Variants in CAMK2B observed in about 807,000 individuals in gnomAD.
The protein encoded by CAMK2B is calcium/calmodulin-dependent protein kinase type II subunit beta.
Under a neutral mutation model 93.7 loss-of-function variants are expected in CAMK2B, and 27 were observed. That is an observed-to-expected ratio of 0.29 (90% CI 0.21 to 0.40). CAMK2B has a LOEUF of 0.40. Among genes scored for constraint, CAMK2B ranks in the 10% least tolerant of loss-of-function variants. The pLI is 1.00. For missense variants in CAMK2B, 568 were observed against 895.8 expected, an observed-to-expected ratio of 0.63 and a Z score of 4.67; for synonymous variants, 374 against 358.8, an observed-to-expected ratio of 1.04 and a Z score of -0.48.
At chr7:44,228,109 G>A (rs1026088991) in intron 19 of CAMK2B, among the ~76,000 whole-genome samples, 1 of 151,902 alleles carries the variant, frequency 6.6e-6, no homozygotes, top group Non-Finnish European at 1.5e-5. Context: ...GAGGCTGCTG[G>A]CCAGCAAGAA....
At chr7:44,238,731 A>G (rs1341446274) in intron 13 of CAMK2B, among the ~76,000 whole-genome samples, 2 of 152,230 alleles carry the variant, frequency 1.3e-5, no homozygotes, top group Non-Finnish European at 2.9e-5. Flanking sequence ...TCAGCAGCTC[A>G]GCCCAGGGAG....
intron 1 of CAMK2B, among the ~76,000 whole-genome samples, chr7:44,315,767 A>C (rs527308657): frequency 6.6e-6 from 1 of 152,300 alleles, no homozygotes; most frequent in Non-Finnish European, 1.5e-5. Flanking sequence ...TTTTCAATGT[A>C]CAAGTCTTGT....
intron 7 of CAMK2B, 28 bp from the exon 8 acceptor site, chr7:44,243,361 G>T (rs749659524): frequency 1.2e-6 from 2 of 1,612,052 alleles, no homozygotes; most frequent in Admixed American, 1.7e-5. Context: ...GGCCACAAGG[G>T]GCTGTCAGCA....
At chr7:44,258,480 G>C (rs1376323640) in intron 4 of CAMK2B, among the ~76,000 whole-genome samples, 1 of 152,216 alleles carries the variant, frequency 6.6e-6, no homozygotes, top group Non-Finnish European at 1.5e-5. Context: ...ACACACACAT[G>C]TGCACTCACG....
chr7:44,276,704 G>A (rs2097047758), intron 2 of CAMK2B, among the ~76,000 whole-genome samples: 2 of 152,212 alleles, frequency 1.3e-5, no homozygotes, highest in Admixed American at 1.3e-4. Flanking sequence ...ATCTCTCTGT[G>A]GGGTGAGCCT....
rs531285028 is a variant in CAMK2B, at chr7:44,228,729, T to C, written c.1468+67A>G. ...GCCGTGCATGCAGGTGGGAAGCTGC[T>C]GAGCGCCGGCCATTCGCAGGGAGCT... On this transcript the variant is annotated intron_variant, in intron 19 of 23. Transcript: ENST00000395749. 251 of 1,387,130 alleles carry C rather than the reference T, an allele frequency of 1.8e-4. No homozygotes were observed. In the African/African-American group the frequency reaches 2.6e-3, roughly 15 times the overall value. 85.9% of individuals were successfully genotyped at this position (1,387,130 alleles called of 1,614,324 possible).
chr7:44,253,413 A>G (rs1223337374), intron 5 of CAMK2B, among the ~76,000 whole-genome samples: 1 of 152,030 alleles, frequency 6.6e-6, no homozygotes, highest in Non-Finnish European at 1.5e-5. Context: ...GGGTTTCTCC[A>G]TGTTGGTCAG....
chr7:44,243,234 T>A lies in CAMK2B; in HGVS notation c.601+16A>T, dbSNP rs1461301771. On this transcript the variant is annotated intron_variant, in intron 8 of 23. Coordinates refer to ENST00000395749, the MANE Select transcript of CAMK2B (RefSeq NM_001220.5). The stretch of plus-strand genomic sequence containing the variant: ...ACCCGAGGCCCTGCCCCGCACCAAC[T>A]CAGGCCAGGCCTCACCACATGCCCA... The A allele has an allele frequency of 3.1e-6, 5 of 1,605,856 alleles. No homozygotes were observed. Among genetic ancestry groups the A allele is most frequent in the Non-Finnish European group, 3.4e-6 (4 of 1,172,972 alleles).
chr7:44,274,740 G>A (rs2097015605), intron 2 of CAMK2B, among the ~76,000 whole-genome samples: 1 of 152,236 alleles, frequency 6.6e-6, no homozygotes, highest in African/African-American at 2.4e-5. Context: ...AGGGAGCAAG[G>A]GGCGGTGAGC....
chr7:44,273,409 T>C (rs1241764713), intron 2 of CAMK2B, among the ~76,000 whole-genome samples: 2 of 152,116 alleles, frequency 1.3e-5, no homozygotes, highest in African/African-American at 4.8e-5. Context: ...TGCTCACAAA[T>C]CGGGTGAGTA....
chr7:44,319,850 G>A (rs1029595375), intron 1 of CAMK2B, among the ~76,000 whole-genome samples: 1 of 152,162 alleles, frequency 6.6e-6, no homozygotes, highest in East Asian at 1.9e-4. Flanking sequence ...ACGGGGGGTC[G>A]TCATGAAAGT....
At chr7:44,291,629 A>G (rs34051397) in intron 1 of CAMK2B, among the ~76,000 whole-genome samples, 48,742 of 152,026 alleles carry the variant, frequency 0.32, 8,746 homozygotes, top group Non-Finnish European at 0.41. Flanking sequence ...TCACACACGA[A>G]CCCCACATTT....
intron 13 of CAMK2B, among the ~76,000 whole-genome samples, chr7:44,238,927 T>TG (rs59586885): frequency 1 from 152,278 of 152,278 alleles, 76,139 homozygotes; most frequent in Non-Finnish European, 1. Context: ...CTTGGGCCTC[T>TG]GGCTCTGGCC....
intron 19 of CAMK2B, 81 bp downstream of exon 19, chr7:44,228,715 A>G: frequency 1.5e-6 from 2 of 1,306,242 alleles, no homozygotes; most frequent in Non-Finnish European, 2.0e-6. Flanking sequence ...CCGTGCATGC[A>G]GGTGGGAAGC....
At chr7:44,299,050 C>CA (rs1318343094) in intron 1 of CAMK2B, among the ~76,000 whole-genome samples, 6 of 151,012 alleles carry the variant, frequency 4.0e-5, no homozygotes, top group East Asian at 1.9e-4. Context: ...AAGGTGGATC[C>CA]AAAAAAAATG....
At chr7:44,230,969 A>T (rs1412932118) in intron 17 of CAMK2B, 37 bp downstream of exon 17, 1 of 1,544,662 alleles carries the variant, frequency 6.5e-7, no homozygotes, top group African/African-American at 1.4e-5. Flanking sequence ...CAGCAATGCC[A>T]AGGCCGCTGG....
rs979220698 is a variant in CAMK2B, at chr7:44,254,678, TACC to T, written c.276-74_276-72del. 1.8e-4 allele frequency: 166 copies of T among 932,032 alleles called. 1 individual carries two copies. In the African/African-American group the frequency reaches 2.8e-3, roughly 16 times the overall value. 57.7% of individuals were successfully genotyped at this position (932,032 alleles called of 1,614,324 possible). Reference sequence around the variant, plus strand: ...CACACTGCACTGTCACCTCCATTACTACCACCACCACCATCACCACTATCATCA... The same window carrying T: ...CACACTGCACTGTCACCTCCATTACTACCACCACCATCACCACTATCATCA... On this transcript the variant is annotated intron_variant, in intron 4 of 23. Coordinates refer to ENST00000395749, the MANE Select transcript of CAMK2B (RefSeq NM_001220.5).
At chr7:44,291,248 G>GA (rs1786740483) in intron 1 of CAMK2B, among the ~76,000 whole-genome samples, 1 of 152,190 alleles carries the variant, frequency 6.6e-6, no homozygotes. Flanking sequence ...GCCAAGGGGG[G>GA]AGAGTGTTTG....
chr7:44,310,816 G>A (rs1201669798), intron 1 of CAMK2B, among the ~76,000 whole-genome samples: 2 of 152,162 alleles, frequency 1.3e-5, no homozygotes, highest in African/African-American at 2.4e-5. Context: ...GGTATTTAAT[G>A]GGGACAGTTT....
Sources: allele counts gnomAD v4.1 joint callset (sites outside exome capture counted in the v4.1 genomes callset), GRCh38; gene constraint gnomAD v4.1.1; transcripts MANE v1.5; gene names NCBI Gene and HGNC (gene_info 2026-07-23, HGNC 2026-07-21).